Variants in AMD1 observed in about 807,000 individuals in gnomAD.
AMD1 encodes the protein adenosylmethionine decarboxylase 1.
AMD1 carries 11 observed loss-of-function variants against 40.2 expected under a neutral mutation model. The observed-to-expected ratio is 0.27, with a 90% CI of 0.17 to 0.45. The LOEUF is 0.45. Ranked by LOEUF, AMD1 falls within the 20% of genes least tolerant of loss-of-function variation. AMD1 has a pLI of 1.00. For missense variants in AMD1, 257 were observed against 410.2 expected (o/e 0.63, Z 3.23); for synonymous variants, 121 against 130.8 (o/e 0.93, Z 0.51).
In AMD1 at chr6:110,892,239, C is replaced by G. The variant is rs369592704; in HGVS notation, c.470+36C>G. The stretch of plus-strand genomic sequence containing the variant: ...TGCAATTTTGTGGATTTTTGTTGTC[C>G]TATGTAAGATTTAAACTGCCAATTG... On this transcript the variant is annotated intron_variant, in intron 5 of 8. Transcript: ENST00000368885. The G allele has an allele frequency of 2.1e-4, 340 of 1,613,524 alleles. No individual in the cohort carries two copies. In the African/African-American group the frequency reaches 3.1e-3, roughly 15 times the overall value.
chr6:110,832,595 T>G, the AMD1 span, among the ~76,000 whole-genome samples: 1 of 152,230 alleles, frequency 6.6e-6, no homozygotes, highest in Non-Finnish European at 1.5e-5. Context: ...GACCTATAGC[T>G]GCCTATACGC....
At chr6:110,875,432 C>T (rs952510020) in intron 1 of AMD1, 3 of 521,402 alleles carry the variant, frequency 5.8e-6, no homozygotes, top group East Asian at 3.4e-5. Context: ...GTTGCCGCGC[C>T]TGGCATTGCC....
At chr6:110,862,507 C>A in the AMD1 span, among the ~76,000 whole-genome samples, 6 of 148,516 alleles carry the variant, frequency 4.0e-5, no homozygotes. Flanking sequence ...TGCTTTGTTG[C>A]CCAGATTGGA....
At chr6:110,845,134 G>A in the AMD1 span, among the ~76,000 whole-genome samples, 2 of 128,708 alleles carry the variant, frequency 1.6e-5, no homozygotes, top group African/African-American at 3.2e-5. Context: ...CTGCCTCCCA[G>A]GTTCAAGAGA....
chr6:110,820,746 T>C, the AMD1 span, among the ~76,000 whole-genome samples: 1 of 151,728 alleles, frequency 6.6e-6, no homozygotes, highest in Non-Finnish European at 1.5e-5. Flanking sequence ...TTACTAAAAA[T>C]ACAAAAATTA....
At chr6:110,844,522 C>T in the AMD1 span, among the ~76,000 whole-genome samples, 1 of 151,928 alleles carries the variant, frequency 6.6e-6, no homozygotes, top group Admixed American at 6.6e-5. Context: ...TGGCTCACGC[C>T]TGTAATCCCA....
chr6:110,815,286 G>A, the AMD1 span: 6 of 897,846 alleles, frequency 6.7e-6, no homozygotes, highest in Non-Finnish European at 9.1e-6. Context: ...TCCGCGGTCC[G>A]CCTTCAGCAA....
the AMD1 span, among the ~76,000 whole-genome samples, chr6:110,847,721 T>G: frequency 2.7e-5 from 4 of 149,344 alleles, no homozygotes; most frequent in African/African-American, 9.8e-5. Flanking sequence ...TTTTGTTTTT[T>G]GTTTTTTTGA....
the AMD1 span, among the ~76,000 whole-genome samples, chr6:110,842,127 G>C: frequency 1.3e-5 from 2 of 152,130 alleles, no homozygotes; most frequent in Non-Finnish European, 2.9e-5. Flanking sequence ...ATACAAGCCT[G>C]GGTTCATAGC....
chr6:110,838,792 G>A, the AMD1 span, among the ~76,000 whole-genome samples: 4 of 152,216 alleles, frequency 2.6e-5, no homozygotes, highest in African/African-American at 9.6e-5. Flanking sequence ...CTGGAGGGCT[G>A]AGGTTGCAGT....
At chr6:110,886,298 A>T (rs545136555) in intron 1 of AMD1, among the ~76,000 whole-genome samples, 302 of 151,616 alleles carry the variant, frequency 2.0e-3, no homozygotes, top group African/African-American at 6.7e-3. Flanking sequence ...AGGCTTAAAA[A>T]TTTTTCTTCT....
the AMD1 span, among the ~76,000 whole-genome samples, chr6:110,865,850 C>T: frequency 6.6e-6 from 1 of 151,988 alleles, no homozygotes; most frequent in Non-Finnish European, 1.5e-5. Context: ...GCAACCTCTA[C>T]CTCCTGGGTT....
At chr6:110,827,645 G>A in the AMD1 span, among the ~76,000 whole-genome samples, 3 of 151,834 alleles carry the variant, frequency 2.0e-5, no homozygotes, top group Admixed American at 2.0e-4. Flanking sequence ...GGCACCTGTA[G>A]TCCCAGCTGC....
chr6:110,857,621 G>A, the AMD1 span, among the ~76,000 whole-genome samples: 1,709 of 105,896 alleles, frequency 0.016, 16 homozygotes, highest in Middle Eastern at 0.039. Context: ...ATATATATAG[G>A]TGGTATATAT....
chr6:110,832,351 A>G, the AMD1 span, among the ~76,000 whole-genome samples: 24 of 151,232 alleles, frequency 1.6e-4, no homozygotes, highest in Admixed American at 1.5e-3. Flanking sequence ...AAGTCTCACT[A>G]TGTTTCCAAA....
the AMD1 span, among the ~76,000 whole-genome samples, chr6:110,868,356 A>G: frequency 1.1e-4 from 17 of 151,816 alleles, no homozygotes; most frequent in Non-Finnish European, 1.6e-4. Flanking sequence ...CAACCTTTTT[A>G]GCTAGAGTGG....
chr6:110,857,056 C>T, the AMD1 span, among the ~76,000 whole-genome samples: 2 of 151,724 alleles, frequency 1.3e-5, no homozygotes, highest in African/African-American at 2.4e-5. Flanking sequence ...CCCAGCTACT[C>T]GGGAGGCTGA....
chr6:110,834,122 G>A, the AMD1 span, among the ~76,000 whole-genome samples: 16 of 152,210 alleles, frequency 1.1e-4, no homozygotes, highest in African/African-American at 2.6e-4. Flanking sequence ...TTGTAGAGAC[G>A]AAGTCTCACT....
At chr6:110,870,187 A>G (rs891513354), upstream of AMD1, among the ~76,000 whole-genome samples, 12 of 152,348 alleles carry the variant, frequency 7.9e-5, no homozygotes, top group East Asian at 9.6e-4. Context: ...TAGTTTGCCA[A>G]TTTCACTGAT....
Sources: gnomAD v4.1 joint callset for allele counts (sites outside exome capture counted in the v4.1 genomes callset) on GRCh38, gnomAD v4.1.1 for gene constraint, MANE v1.5 for transcripts, NCBI Gene and HGNC (gene_info 2026-07-23, HGNC 2026-07-21) for gene names.